The following AFF3 variants were observed in gnomAD, a reference collection of about 807,000 sequenced individuals.
AFF3 encodes the protein AF4/FMR2 family member 3.
Under a neutral mutation model 129.7 loss-of-function variants are expected in AFF3, and 32 were observed. That is an observed-to-expected ratio of 0.25 (90% CI 0.19 to 0.33). The LOEUF is 0.33. Ranked by LOEUF, AFF3 falls within the 10% of genes least tolerant of loss-of-function variation. AFF3 has a pLI of 1.00. For synonymous variants in AFF3, 644 were observed against 635.4 expected (o/e 1.01, Z -0.20); for missense variants, 1,373 against 1,592.0 (o/e 0.86, Z 2.34).
intron 13 of AFF3, 27 bp from the exon 14 acceptor site, chr2:99,601,648 G>T (rs1249713635): frequency 1.3e-6 from 2 of 1,580,162 alleles, no homozygotes; most frequent in African/African-American, 2.7e-5. Flanking sequence ...CCCCCGGGAA[G>T]CAGAGGGAAG....
rs1467822522 is a variant in AFF3 at position 100,105,529 on chromosome 2, G to A, written c.-90C>T. 2 of 1,331,728 alleles carry A rather than the reference G, an allele frequency of 1.5e-6. No homozygotes were observed. The highest frequency in any genetic ancestry group is 4.2e-5 in the East Asian group (1 of 23,742). 82.5% of individuals were successfully genotyped at this position (1,331,728 alleles called of 1,614,324 possible). On this transcript the variant is annotated 5_prime_UTR_variant, in exon 3 of 25. Transcript: ENST00000672756. The stretch of plus-strand genomic sequence containing the variant: ...CGGGAAGGGGGACAAACTGGCCTCT[G>A]GGTGTCGACTTCAAACTTGCCGCCC...
At chr2:99,953,233 C>T (rs890674241) in intron 7 of AFF3, among the ~76,000 whole-genome samples, 2 of 152,170 alleles carry the variant, frequency 1.3e-5, no homozygotes, top group African/African-American at 4.8e-5. Context: ...CATTCAGTGC[C>T]ACCTGTGTCT....
intron 4 of AFF3, among the ~76,000 whole-genome samples, chr2:100,096,433 A>G (rs1416879279): frequency 6.6e-6 from 1 of 151,958 alleles, no homozygotes; most frequent in African/African-American, 2.4e-5. Flanking sequence ...AATAAAATAA[A>G]TACTGCATCT....
chr2:99,649,704 T>A, intron 12 of AFF3, 38 bp from the exon 13 acceptor site: 1 of 1,612,590 alleles, frequency 6.2e-7, no homozygotes, highest in South Asian at 1.1e-5. Context: ...TATTTAATAT[T>A]CTGACTTTTG....
intron 10 of AFF3, among the ~76,000 whole-genome samples, chr2:99,733,334 C>T (rs1233685309): frequency 1.1e-4 from 17 of 149,306 alleles, no homozygotes; most frequent in African/African-American, 3.0e-4. Context: ...GAGCCAAGAT[C>T]GCGCCACTGC....
intron 10 of AFF3, among the ~76,000 whole-genome samples, chr2:99,736,204 A>G (rs1680241564): frequency 6.6e-6 from 1 of 152,170 alleles, no homozygotes; most frequent in Non-Finnish European, 1.5e-5. Context: ...ACAGTTACGA[A>G]TTTCTGTTTA....
At chr2:99,915,762 C>A (rs193089755) in intron 7 of AFF3, among the ~76,000 whole-genome samples, 7 of 152,088 alleles carry the variant, frequency 4.6e-5, no homozygotes, top group Admixed American at 3.9e-4. Flanking sequence ...CTGGGTAGTA[C>A]ACACCCAGGT....
rs1677713994 is a variant in AFF3 at position 99,966,042 on chromosome 2, T to C, written c.873+40590A>G. On this transcript the variant is annotated intron_variant, in intron 7 of 24. Coordinates refer to ENST00000672756, the MANE Select transcript of AFF3 (RefSeq NM_001386135.1). ...AAAGCACTACGAAAAATCCAAGATA[T>C]TAAAATTATTACAATAGACAATGAA... 2.0e-5 allele frequency among the ~76,000 whole-genome samples: 3 copies of C among 152,168 alleles called. No individual in the cohort carries two copies. In the South Asian group the frequency reaches 6.2e-4, roughly 32 times the overall value.
intron 7 of AFF3, among the ~76,000 whole-genome samples, chr2:99,916,654 C>T (rs1695495823): frequency 6.6e-6 from 1 of 152,148 alleles, no homozygotes; most frequent in South Asian, 2.1e-4. Context: ...CAACCACAGT[C>T]AAGAACCAGC....
intron 7 of AFF3, among the ~76,000 whole-genome samples, chr2:100,000,869 C>T (rs1488879599): frequency 6.6e-6 from 1 of 152,182 alleles, no homozygotes; most frequent in East Asian, 1.9e-4. Flanking sequence ...TCTACCTCTT[C>T]CCTGTATATC....
chr2:99,830,126 G>A (rs1336384201), intron 8 of AFF3, among the ~76,000 whole-genome samples: 1 of 152,112 alleles, frequency 6.6e-6, no homozygotes, highest in Non-Finnish European at 1.5e-5. Context: ...CTATCAGAGG[G>A]TGGAGGGCAA....
At position 99,578,413 on chromosome 2, in the gene AFF3, G is replaced by C; in HGVS notation, c.2832C>G (p.His944Gln). The change falls in exon 18 of 25, where the codon CAC becomes CAG. Residue 944 changes from histidine (H) to glutamine (Q), a missense_variant. Around this residue, in one of 9 missense-constraint regions of AFF3, gnomAD observed 466 missense variants for 505.0 expected, o/e 0.92. Transcript: ENST00000672756. ...ACGGCTTCGTCTGCGGCCGTGACTT[G>C]TGGAGGGGAATGTTTTCAGAATTGT... ...AHNNSENIPL[H>Q]KSRPQTKPWS... 1 of 1,611,698 alleles carries C rather than the reference G, an allele frequency of 6.2e-7. No homozygotes were observed. The highest frequency in any genetic ancestry group is 8.5e-7 in the Non-Finnish European group (1 of 1,179,138).
chr2:99,821,121 T>C (rs1404550227), intron 8 of AFF3, among the ~76,000 whole-genome samples: 3 of 151,870 alleles, frequency 2.0e-5, no homozygotes, highest in Non-Finnish European at 2.9e-5. Context: ...GATCTGCCCG[T>C]CTTGGCCTCC....
intron 7 of AFF3, among the ~76,000 whole-genome samples, chr2:99,964,756 A>T (rs1452550383): frequency 1.3e-5 from 2 of 152,176 alleles, no homozygotes; most frequent in Admixed American, 1.3e-4. Flanking sequence ...TTTATTTAGG[A>T]TTTATTCCTA....
At chr2:99,665,184 C>T (rs1315692086) in intron 12 of AFF3, among the ~76,000 whole-genome samples, 2 of 152,164 alleles carry the variant, frequency 1.3e-5, no homozygotes, top group East Asian at 3.8e-4. Context: ...GAATTTGATC[C>T]CGGGTGGGAT....
intron 13 of AFF3, among the ~76,000 whole-genome samples, chr2:99,627,567 CTTTAG>C (rs1467894748): frequency 1.3e-5 from 2 of 152,110 alleles, no homozygotes; most frequent in African/African-American, 4.8e-5. Flanking sequence ...TGCAGAAGCT[CTTTAG>C]TTTAATTGGA....
chr2:100,078,312 T>C (rs1688757480), intron 4 of AFF3, among the ~76,000 whole-genome samples: 1 of 152,256 alleles, frequency 6.6e-6, no homozygotes, highest in African/African-American at 2.4e-5. Context: ...TCTATGAATT[T>C]CATCCAAAAT....
At chr2:100,018,028 G>GTA (rs1344694728) in intron 4 of AFF3, among the ~76,000 whole-genome samples, 8 of 122,512 alleles carry the variant, frequency 6.5e-5, no homozygotes, top group Non-Finnish European at 1.1e-4. Flanking sequence ...GTGTGTGTGT[G>GTA]TGTGTATATA....
At chr2:100,053,401 A>T (rs1220369641) in intron 4 of AFF3, among the ~76,000 whole-genome samples, 2 of 152,254 alleles carry the variant, frequency 1.3e-5, no homozygotes, top group East Asian at 3.8e-4. Flanking sequence ...TTACATTAGA[A>T]ACCTGGGACC....
Sources: gnomAD v4.1 joint callset for allele counts (sites outside exome capture counted in the v4.1 genomes callset) on GRCh38, gnomAD v4.1.1 for gene constraint, gnomAD v4.1.1 regional missense constraint, MANE v1.5 for transcripts, NCBI Gene and HGNC (gene_info 2026-07-23, HGNC 2026-07-21) for gene names.